Variants in NBAS observed in about 807,000 individuals in gnomAD.
NBAS encodes NBAS subunit of NRZ tethering complex.
NBAS carries 219 observed loss-of-function variants against 302.5 expected under a neutral mutation model. The ratio of observed to expected loss-of-function variants is 0.72; its 90% CI spans 0.65 to 0.81. NBAS has a LOEUF of 0.81. Ranked by LOEUF, NBAS falls within the 30% of genes least tolerant of loss-of-function variation. NBAS has a pLI of 0.00. For missense variants in NBAS, 2,932 were observed against 2,841.6 expected (o/e 1.03, Z -0.72); for synonymous variants, 1,118 against 1,021.6 (o/e 1.09, Z -1.80).
rs139294024 is a variant in NBAS at position 15,271,765 on chromosome 2, T to C, written c.5724+3719A>G. Reference sequence around the variant, plus strand: ...TACTAACCACCTAATACCAAGCAAATTGTGTTCTGACCTGCCTTTCAGCCT... The same window carrying C: ...TACTAACCACCTAATACCAAGCAAACTGTGTTCTGACCTGCCTTTCAGCCT... On this transcript the variant is annotated intron_variant, in intron 44 of 51. Transcript: ENST00000281513. Among the ~76,000 whole-genome samples, 819 of 152,252 alleles carry C rather than the reference T, an allele frequency of 5.4e-3. 4 individuals are homozygous for C. Among genetic ancestry groups the C allele is most frequent in the African/African-American group, 0.017 (703 of 41,542 alleles).
intron 25 of NBAS, among the ~76,000 whole-genome samples, chr2:15,403,562 A>G (rs746777577): frequency 6.6e-6 from 1 of 152,214 alleles, no homozygotes; most frequent in Non-Finnish European, 1.5e-5. Context: ...CAGAAGATTT[A>G]AAGTATACAA....
intron 9 of NBAS, among the ~76,000 whole-genome samples, chr2:15,530,624 T>G (rs1369785160): frequency 6.6e-6 from 1 of 152,060 alleles, no homozygotes; most frequent in East Asian, 1.9e-4. Flanking sequence ...AATATTTTAC[T>G]TCTCTTTTTT....
At chr2:14,907,496 G>A in the NBAS span, 1 of 152,238 alleles carries the variant, frequency 6.6e-6, no homozygotes, top group Non-Finnish European at 1.5e-5. Context: ...AGGCTAAATA[G>A]CAAAATACAT....
intron 21 of NBAS, among the ~76,000 whole-genome samples, chr2:15,445,126 A>C (rs1269256227): frequency 2.0e-5 from 3 of 151,614 alleles, no homozygotes; most frequent in Non-Finnish European, 4.4e-5. Flanking sequence ...AACTAGAAAT[A>C]CCATTTGACC....
chr2:14,784,672 A>T, the NBAS span, among the ~76,000 whole-genome samples: 9 of 152,046 alleles, frequency 5.9e-5, no homozygotes, highest in Non-Finnish European at 1.3e-4. Context: ...TGTTCCATTG[A>T]TATATATCTC....
rs1408669477 is a variant in NBAS at position 15,244,750 on chromosome 2, T to C, written c.5725-6064A>G. Among the ~76,000 whole-genome samples the C allele has an allele frequency of 9.9e-5, 15 of 152,212 alleles. No homozygotes were observed. In the East Asian group the frequency reaches 2.9e-3, roughly 29 times the overall value. On this transcript the variant is annotated intron_variant, in intron 44 of 51. Transcript: ENST00000281513. ...GGGACTAGGACCCTGGGTGGTTTCC[T>C]CTAGTGGAGAAGCAGAGTGTGTTCT...
At chr2:14,785,009 T>C in the NBAS span, among the ~76,000 whole-genome samples, 1 of 152,224 alleles carries the variant, frequency 6.6e-6, no homozygotes, top group Non-Finnish European at 1.5e-5. Context: ...CAGTGGTTTG[T>C]AGTTCTCCTT....
At chr2:15,196,334 A>T (rs571064645) in intron 48 of NBAS, among the ~76,000 whole-genome samples, 2 of 152,324 alleles carry the variant, frequency 1.3e-5, no homozygotes, top group Admixed American at 1.3e-4. Context: ...AAAACTTGAA[A>T]ATTCTGAATA....
chr2:14,893,516 A>G, the NBAS span, among the ~76,000 whole-genome samples: 2 of 152,146 alleles, frequency 1.3e-5, no homozygotes, highest in Non-Finnish European at 2.9e-5. Context: ...TCTTAACTGT[A>G]TCTCAATTTT....
chr2:15,135,632 G>A, the NBAS span, among the ~76,000 whole-genome samples: 4 of 152,100 alleles, frequency 2.6e-5, no homozygotes, highest in African/African-American at 4.8e-5. Flanking sequence ...TCCGGGAACC[G>A]TTGAAGCTTT....
chr2:15,464,587 AT>A (rs1558363925), intron 19 of NBAS, among the ~76,000 whole-genome samples: 1 of 151,966 alleles, frequency 6.6e-6, no homozygotes, highest in Admixed American at 6.6e-5. Context: ...TATAAAAACA[AT>A]ACTTCTTCCT....
chr2:15,422,794 G>A (rs2148474801), intron 23 of NBAS, among the ~76,000 whole-genome samples: 1 of 151,932 alleles, frequency 6.6e-6, no homozygotes, highest in East Asian at 1.9e-4. Context: ...AAGTTTTTTT[G>A]ATGTATATAT....
intron 25 of NBAS, among the ~76,000 whole-genome samples, chr2:15,412,543 C>T (rs1366975378): frequency 6.6e-6 from 1 of 152,182 alleles, no homozygotes. Flanking sequence ...GAAATAACTG[C>T]ACCTATTACA....
chr2:15,540,774 G>A (rs1392529822), intron 6 of NBAS, among the ~76,000 whole-genome samples: 2 of 151,682 alleles, frequency 1.3e-5, no homozygotes, highest in Non-Finnish European at 2.9e-5. Context: ...CCAGACTGGA[G>A]TACAGTGGCG....
chr2:14,938,534 G>A, the NBAS span, among the ~76,000 whole-genome samples: 11 of 152,274 alleles, frequency 7.2e-5, 1 homozygote, highest in South Asian at 2.1e-3. Flanking sequence ...AGAAAGAATG[G>A]CAAAACATTC....
At chr2:15,445,427 T>G (rs910962281) in intron 21 of NBAS, among the ~76,000 whole-genome samples, 1 of 147,328 alleles carries the variant, frequency 6.8e-6, no homozygotes, top group Non-Finnish European at 1.5e-5. Context: ...ACACCGCATA[T>G]TCTCACTCAT....
At chr2:14,908,510 G>T in the NBAS span, among the ~76,000 whole-genome samples, 1 of 152,180 alleles carries the variant, frequency 6.6e-6, no homozygotes, top group African/African-American at 2.4e-5. Context: ...CGTGGAGAGG[G>T]TTTGCTTAAC....
At chr2:14,863,181 T>C in the NBAS span, among the ~76,000 whole-genome samples, 165 of 152,328 alleles carry the variant, frequency 1.1e-3, no homozygotes, top group African/African-American at 3.9e-3. Context: ...GGGATTAAAT[T>C]TGCTAGGAAA....
At chr2:15,232,959 T>A (rs1407526629) in intron 46 of NBAS, among the ~76,000 whole-genome samples, 1 of 151,830 alleles carries the variant, frequency 6.6e-6, no homozygotes, top group Non-Finnish European at 1.5e-5. Context: ...AAATGCAACA[T>A]CCTATGAGAC....
Sources: gnomAD v4.1 joint callset for allele counts (sites outside exome capture counted in the v4.1 genomes callset) on GRCh38, gnomAD v4.1.1 for gene constraint, MANE v1.5 for transcripts, NCBI Gene and HGNC (gene_info 2026-07-23, HGNC 2026-07-21) for gene names.